The following CADM2 variants were observed in gnomAD, a reference collection of about 807,000 sequenced individuals.
CADM2 encodes the protein immunoglobulin superfamily member 4D.
A neutral mutation model predicts 49.8 loss-of-function variants in CADM2; 12 were observed. That is an observed-to-expected ratio of 0.24 (90% CI 0.15 to 0.39). The LOEUF is 0.39. CADM2 is among the 10% of genes least tolerant of loss of function. The probability of loss-of-function intolerance (pLI) is 1.00; values close to 1 mark genes in which losing one functional copy is unlikely to be tolerated. For missense variants in CADM2, 378 were observed against 492.3 expected (o/e 0.77, Z 2.20); for synonymous variants, 214 against 175.4 (o/e 1.22, Z -1.74).
chr3:85,433,880 A>G (rs1011612119), intron 1 of CADM2, among the ~76,000 whole-genome samples: 1 of 152,066 alleles, frequency 6.6e-6, no homozygotes. Flanking sequence ...AGAAATTATA[A>G]CTTGAAAAGT....
At chr3:85,836,545 C>T (rs1559692013) in intron 3 of CADM2, among the ~76,000 whole-genome samples, 1 of 151,538 alleles carries the variant, frequency 6.6e-6, no homozygotes, top group Non-Finnish European at 1.5e-5. Flanking sequence ...CAGTATGTGG[C>T]ACCTCTTAAC....
At chr3:85,089,020 C>T (rs919465454) in intron 1 of CADM2, among the ~76,000 whole-genome samples, 4 of 151,982 alleles carry the variant, frequency 2.6e-5, no homozygotes, top group South Asian at 4.2e-4. Context: ...TGACTTTAAA[C>T]AGTAATTCAT....
At chr3:85,794,765 GCTGTTTTCTTCCTGGTCATTACACT>G (rs954356728) in intron 2 of CADM2, among the ~76,000 whole-genome samples, 3 of 151,916 alleles carry the variant, frequency 2.0e-5, no homozygotes, top group African/African-American at 7.2e-5. Context: ...TACCATCTGG[GCTGTTTTCTTCCTGGTCATTACACT>G]CTCTCCTAAA....
At position 85,630,222 on chromosome 3, in the gene CADM2, C is replaced by CT. The variant is rs549907050; in HGVS notation, c.62-96293dup. 4.4e-4 allele frequency among the ~76,000 whole-genome samples: 67 copies of CT among 152,016 alleles called. 1 individual carries two copies. The East Asian group carries it at 8.5e-3, about 19-fold the overall frequency. ...GGATTCAAATGTTCTCTGGTTTGAT[C>CT]TTTTTTTATCTCACCCCAGGTCTGT... On this transcript the variant is annotated intron_variant, in intron 1 of 9. Transcript: ENST00000383699.
At chr3:85,617,326 T>C (rs2063827311) in intron 1 of CADM2, among the ~76,000 whole-genome samples, 1 of 152,140 alleles carries the variant, frequency 6.6e-6, no homozygotes, top group Non-Finnish European at 1.5e-5. Context: ...AAACAGTTAC[T>C]TATGATTACC....
chr3:85,142,813 G>T (rs1353873635), intron 1 of CADM2, among the ~76,000 whole-genome samples: 2 of 152,112 alleles, frequency 1.3e-5, no homozygotes, highest in Non-Finnish European at 2.9e-5. Flanking sequence ...GAGAATTCCC[G>T]CACAGTCTCT....
At chr3:86,000,611 A>C (rs1330934334) in intron 8 of CADM2, among the ~76,000 whole-genome samples, 1 of 151,894 alleles carries the variant, frequency 6.6e-6, no homozygotes, top group East Asian at 1.9e-4. Context: ...TGGGGAGTGG[A>C]GAGATGGGGA....
chr3:85,402,219 A>G (rs1240724126), intron 1 of CADM2, among the ~76,000 whole-genome samples: 1 of 152,074 alleles, frequency 6.6e-6, no homozygotes, highest in Non-Finnish European at 1.5e-5. Context: ...AAGAGAAACT[A>G]CAAGACCTTA....
chr3:85,842,410 C>T (rs1254977594), intron 3 of CADM2, among the ~76,000 whole-genome samples: 1 of 152,070 alleles, frequency 6.6e-6, no homozygotes, highest in African/African-American at 2.4e-5. Flanking sequence ...AGAAATGTTG[C>T]CATTTCAGAC....
intron 6 of CADM2, among the ~76,000 whole-genome samples, chr3:85,924,862 C>T (rs1007895674): frequency 2.0e-5 from 3 of 152,154 alleles, no homozygotes; most frequent in Non-Finnish European, 2.9e-5. Flanking sequence ...AAAGTCCAAA[C>T]TCTACAGCTT....
chr3:85,644,123 T>A (rs759902855), intron 1 of CADM2, among the ~76,000 whole-genome samples: 1 of 152,002 alleles, frequency 6.6e-6, no homozygotes, highest in Non-Finnish European at 1.5e-5. Context: ...AGTTCTAGAG[T>A]CTGGAATTTC....
chr3:85,835,340 T>G (rs2074363181), intron 3 of CADM2, among the ~76,000 whole-genome samples: 1 of 150,820 alleles, frequency 6.6e-6, no homozygotes, highest in South Asian at 2.1e-4. Flanking sequence ...CCTGACTTGT[T>G]GGCCTTATCC....
intron 3 of CADM2, among the ~76,000 whole-genome samples, chr3:85,839,665 T>C (rs1228129117): frequency 6.6e-6 from 1 of 151,792 alleles, no homozygotes; most frequent in Non-Finnish European, 1.5e-5. Context: ...GGAAAGGCAG[T>C]CATATCTCAT....
chr3:85,769,555 G>A (rs12714638), intron 2 of CADM2, among the ~76,000 whole-genome samples: 2,063 of 43,810 alleles, frequency 0.047, 321 homozygotes, highest in African/African-American at 0.14. Flanking sequence ...ATACATATAT[G>A]TATATATACA....
chr3:85,002,179 C>T (rs775686285), intron 1 of CADM2, among the ~76,000 whole-genome samples: 95 of 151,970 alleles, frequency 6.3e-4, no homozygotes, highest in Non-Finnish European at 1.1e-3. Context: ...CAATTACTGT[C>T]GATATCAATT....
intron 1 of CADM2, among the ~76,000 whole-genome samples, chr3:85,214,442 C>T (rs749915427): frequency 5.3e-5 from 8 of 152,080 alleles, no homozygotes; most frequent in Non-Finnish European, 1.0e-4. Context: ...TGCCTGGCTA[C>T]TGCCTGTATT....
chr3:85,449,378 C>CT (rs1278740833), intron 1 of CADM2, among the ~76,000 whole-genome samples: 2 of 151,850 alleles, frequency 1.3e-5, no homozygotes, highest in Non-Finnish European at 2.9e-5. Context: ...TCAAATTGCA[C>CT]TTGCATGAAC....
intron 1 of CADM2, among the ~76,000 whole-genome samples, chr3:85,094,352 G>C (rs558862964): frequency 6.6e-6 from 1 of 151,978 alleles, no homozygotes; most frequent in South Asian, 2.1e-4. Context: ...GTCCTTTCAC[G>C]ACGTTAAATT....
At chr3:85,729,682 G>A (rs2067850800) in intron 2 of CADM2, among the ~76,000 whole-genome samples, 2 of 152,178 alleles carry the variant, frequency 1.3e-5, no homozygotes, top group African/African-American at 2.4e-5. Flanking sequence ...TGGTGCACTA[G>A]CTTCTTGGTC....
Sources: gnomAD v4.1 joint callset for allele counts (sites outside exome capture counted in the v4.1 genomes callset) on GRCh38, gnomAD v4.1.1 for gene constraint, MANE v1.5 for transcripts, NCBI Gene and HGNC (gene_info 2026-07-23, HGNC 2026-07-21) for gene names.